Variants in CCDC102B observed in about 807,000 individuals in gnomAD.
The protein encoded by CCDC102B is coiled-coil domain containing 102B, also known as coiled-coil domain-containing protein 102B.
A neutral mutation model predicts 57.4 loss-of-function variants in CCDC102B; 75 were observed. The observed-to-expected ratio is 1.31, with a 90% CI of 1.08 to 1.58. The LOEUF (loss-of-function observed/expected upper bound fraction) is 1.58, where lower values mean the gene tolerates loss of function less well. Among genes scored for constraint, CCDC102B ranks in the 40% most tolerant of loss-of-function variants. CCDC102B has a pLI of 0.00. For synonymous variants in CCDC102B, 206 were observed against 201.9 expected (o/e 1.02, Z -0.17); for missense variants, 636 against 582.6 (o/e 1.09, Z -0.94).
At chr18:68,987,704 A>C (rs922547521) in intron 6 of CCDC102B, among the ~76,000 whole-genome samples, 1 of 152,172 alleles carries the variant, frequency 6.6e-6, no homozygotes, top group Non-Finnish European at 1.5e-5. Context: ...TAAGTGAAAA[A>C]AAGAATAATT....
At chr18:68,865,273 A>G (rs1038210531) in intron 4 of CCDC102B, among the ~76,000 whole-genome samples, 1 of 152,060 alleles carries the variant, frequency 6.6e-6, no homozygotes, top group African/African-American at 2.4e-5. Context: ...ATATTTTCGC[A>G]AATAGATGCT....
chr18:68,910,954 T>TGAAATAAAAG (rs2040820694), intron 6 of CCDC102B, among the ~76,000 whole-genome samples: 2 of 148,970 alleles, frequency 1.3e-5, no homozygotes, highest in Admixed American at 6.7e-5. Flanking sequence ...GGTGAGGTTG[T>TGAAATAAAAG]GAAATAAAAG....
chr18:68,935,851 A>T (rs886189389), intron 6 of CCDC102B, among the ~76,000 whole-genome samples: 8 of 151,784 alleles, frequency 5.3e-5, no homozygotes, highest in Non-Finnish European at 1.0e-4. Context: ...GCAAAGAGAG[A>T]TGATAGTGGG....
rs869256589 is a variant in CCDC102B at position 68,857,292 on chromosome 18, ATT to A, written c.936+10872_936+10873del. 2.1e-3 allele frequency among the ~76,000 whole-genome samples: 14 copies of A among 6,804 alleles called. 2 individuals carry two copies. The highest frequency in any genetic ancestry group is 0.011 in the East Asian group (2 of 174). The allele number at this position is 6,804 out of a possible 152,430, so 4.5% of individuals were successfully genotyped here. A position where few individuals can be genotyped will look rare whatever the true frequency, so the allele number is the denominator to read the frequency against. ...ATATATATATAATATATATTTATAT[ATT>A]ATATATATAATATATATTTATATAT... On this transcript the variant is annotated intron_variant, in intron 4 of 7. Transcript: ENST00000360242.
intron 2 of CCDC102B, among the ~76,000 whole-genome samples, chr18:68,784,673 C>G (rs965513026): frequency 6.6e-6 from 1 of 152,104 alleles, no homozygotes; most frequent in East Asian, 1.9e-4. Flanking sequence ...TAATAATTTT[C>G]TACATATATA....
At chr18:68,783,380 A>G (rs2035072513) in intron 2 of CCDC102B, among the ~76,000 whole-genome samples, 2 of 152,138 alleles carry the variant, frequency 1.3e-5, no homozygotes, top group African/African-American at 4.8e-5. Flanking sequence ...TGCTCATGCT[A>G]GGAAGCCTCC....
At chr18:68,802,738 A>T (rs1031438757) in intron 1 of CCDC102B, among the ~76,000 whole-genome samples, 9 of 152,292 alleles carry the variant, frequency 5.9e-5, no homozygotes, top group Middle Eastern at 3.4e-3. Context: ...TGTTTATCTG[A>T]ATTAATATAA....
At chr18:69,016,704 A>C (rs569006905) in intron 7 of CCDC102B, among the ~76,000 whole-genome samples, 3 of 152,258 alleles carry the variant, frequency 2.0e-5, no homozygotes, top group Admixed American at 2.0e-4. Flanking sequence ...TGTAATATGT[A>C]TTTCCTTGGG....
At chr18:68,898,741 C>T (rs2040329150) in intron 6 of CCDC102B, among the ~76,000 whole-genome samples, 1 of 151,894 alleles carries the variant, frequency 6.6e-6, no homozygotes, top group Non-Finnish European at 1.5e-5. Flanking sequence ...GGCTTAGAGT[C>T]TATATAGGGA....
intron 2 of CCDC102B, among the ~76,000 whole-genome samples, chr18:68,782,569 T>C (rs1010098039): frequency 6.6e-6 from 1 of 152,142 alleles, no homozygotes; most frequent in African/African-American, 2.4e-5. Flanking sequence ...ATCAGAGTTA[T>C]GATATCCTCA....
chr18:68,913,332 G>GTGTGTGTGTA (rs1555725409), intron 6 of CCDC102B, among the ~76,000 whole-genome samples: 147 of 151,740 alleles, frequency 9.7e-4, no homozygotes, highest in African/African-American at 3.4e-3. Context: ...GTGTGTGTGT[G>GTGTGTGTGTA]TGTGTGTGTG....
At chr18:68,939,390 A>AT (rs1156328726) in intron 6 of CCDC102B, among the ~76,000 whole-genome samples, 2 of 151,674 alleles carry the variant, frequency 1.3e-5, no homozygotes, top group Non-Finnish European at 3.0e-5. Flanking sequence ...TTTCAGGGGT[A>AT]TTTTTTAATA....
At chr18:69,023,557 T>C (rs1291958085) in intron 7 of CCDC102B, among the ~76,000 whole-genome samples, 2 of 151,750 alleles carry the variant, frequency 1.3e-5, no homozygotes, top group African/African-American at 4.8e-5. Flanking sequence ...AATTTATTAA[T>C]GTGAATAATA....
At chr18:69,040,448 A>G (rs938194829) in intron 7 of CCDC102B, among the ~76,000 whole-genome samples, 1 of 148,722 alleles carries the variant, frequency 6.7e-6, no homozygotes, top group South Asian at 2.1e-4. Context: ...TGGCTTCCTC[A>G]GTGTTAAATT....
At chr18:68,820,872 C>T (rs1412979133) in intron 1 of CCDC102B, among the ~76,000 whole-genome samples, 1 of 152,098 alleles carries the variant, frequency 6.6e-6, no homozygotes, top group East Asian at 1.9e-4. Flanking sequence ...ATGGACCAAA[C>T]TGTACTAAAA....
intron 2 of CCDC102B, among the ~76,000 whole-genome samples, chr18:68,731,176 G>A (rs774622375): frequency 1.4e-4 from 21 of 152,034 alleles, no homozygotes; most frequent in Non-Finnish European, 2.8e-4. Context: ...AGTAGAGACA[G>A]GGTTTCACCA....
chr18:68,994,232 A>G (rs973903559), intron 6 of CCDC102B, among the ~76,000 whole-genome samples: 1 of 152,230 alleles, frequency 6.6e-6, no homozygotes, highest in Non-Finnish European at 1.5e-5. Flanking sequence ...ATTTGTTGAT[A>G]TGGAAATTTG....
At chr18:68,761,579 C>T (rs1240286073) in intron 2 of CCDC102B, among the ~76,000 whole-genome samples, 1 of 151,068 alleles carries the variant, frequency 6.6e-6, no homozygotes, top group Non-Finnish European at 1.5e-5. Flanking sequence ...TTGTACCTTC[C>T]TGGTGAGGTG....
intron 6 of CCDC102B, among the ~76,000 whole-genome samples, chr18:68,957,088 A>C (rs2049920651): frequency 6.6e-6 from 1 of 151,834 alleles, no homozygotes; most frequent in Non-Finnish European, 1.5e-5. Flanking sequence ...TTGCCTTTTC[A>C]CTTTGTTGAT....
Sources: allele counts gnomAD v4.1 joint callset (sites outside exome capture counted in the v4.1 genomes callset), GRCh38; gene constraint gnomAD v4.1.1; transcripts MANE v1.5; gene names NCBI Gene and HGNC (gene_info 2026-07-23, HGNC 2026-07-21).